Variants in DCDC2 observed in about 807,000 individuals in gnomAD.
DCDC2 encodes doublecortin domain-containing protein 2.
In DCDC2, 40 loss-of-function variants were observed where a neutral mutation model predicts 50.2. The ratio of observed to expected loss-of-function variants is 0.80; its 90% confidence interval spans 0.62 to 1.04. The LOEUF (loss-of-function observed/expected upper bound fraction) is 1.04, where lower values mean the gene tolerates loss of function less well. Among genes scored for constraint, DCDC2 ranks in the 50% least tolerant of loss-of-function variants. DCDC2 has a pLI of 0.00. For missense variants in DCDC2, 570 were observed against 581.9 expected, an observed-to-expected ratio of 0.98 and a Z score of 0.21; for synonymous variants, 234 against 210.6, an observed-to-expected ratio of 1.11 and a Z score of -0.96.
intron 7 of DCDC2, among the ~76,000 whole-genome samples, chr6:24,207,285 TCTCA>T (rs1465720402): frequency 2.0e-5 from 3 of 150,268 alleles, no homozygotes; most frequent in South Asian, 2.1e-4. Flanking sequence ...TCTCTCTCTC[TCTCA>T]GACACACACA....
chr6:24,244,095 C>T (rs1249155355), intron 7 of DCDC2, among the ~76,000 whole-genome samples: 1 of 152,180 alleles, frequency 6.6e-6, no homozygotes. Context: ...TCTAAACAGA[C>T]AAGCAGTTTC....
intron 7 of DCDC2, among the ~76,000 whole-genome samples, chr6:24,225,715 G>C (rs58194944): frequency 0.092 from 14,007 of 151,546 alleles, 788 homozygotes; most frequent in East Asian, 0.17. Flanking sequence ...CACACACACA[G>C]ACACACACAA....
chr6:24,324,712 A>G (rs1223866101), intron 2 of DCDC2, among the ~76,000 whole-genome samples: 1 of 152,016 alleles, frequency 6.6e-6, no homozygotes, highest in East Asian at 1.9e-4. Context: ...AGTAGACCCT[A>G]TCTCTACAAA....
At chr6:24,315,193 ACCAGCCCC>A (rs1156260429) in intron 2 of DCDC2, among the ~76,000 whole-genome samples, 3 of 150,856 alleles carry the variant, frequency 2.0e-5, no homozygotes, top group Non-Finnish European at 2.9e-5. Context: ...TTTTTAAATA[ACCAGCCCC>A]ATAAATAGTC....
At chr6:24,343,363 G>C (rs1760198042) in intron 2 of DCDC2, among the ~76,000 whole-genome samples, 2 of 152,082 alleles carry the variant, frequency 1.3e-5, no homozygotes, top group African/African-American at 4.8e-5. Flanking sequence ...TATTCTTGAG[G>C]AAATGTAAAA....
rs368478507 is a variant in DCDC2, at chr6:24,301,866, C to A, written c.426-20G>T. ...ATCAAGCTGGAAAACAGGGGGCAAA[C>A]CTTCTGAAACAGTTATGCCTTGAAA... On this transcript the variant is annotated intron_variant, in intron 3 of 9. Coordinates refer to ENST00000378454, the MANE Select transcript of DCDC2 (RefSeq NM_016356.5). The A allele has an allele frequency of 1.9e-6, 3 of 1,613,894 alleles. No individual in the cohort carries two copies.
At chr6:24,219,487 T>C (rs1010176918) in intron 7 of DCDC2, among the ~76,000 whole-genome samples, 34 of 152,206 alleles carry the variant, frequency 2.2e-4, no homozygotes, top group Non-Finnish European at 4.1e-4. Context: ...GTTTCATGAA[T>C]TTACCAGTGT....
intron 7 of DCDC2, among the ~76,000 whole-genome samples, chr6:24,217,355 G>A (rs573700292): frequency 1.6e-4 from 25 of 152,212 alleles, no homozygotes; most frequent in South Asian, 8.3e-4. Flanking sequence ...AATTATTACC[G>A]AGTAACATCT....
At chr6:24,341,401 A>C (rs1760151559) in intron 2 of DCDC2, among the ~76,000 whole-genome samples, 1 of 152,124 alleles carries the variant, frequency 6.6e-6, no homozygotes, top group Non-Finnish European at 1.5e-5. Flanking sequence ...CTTATAAAGG[A>C]GGCTTTCACA....
intron 2 of DCDC2, among the ~76,000 whole-genome samples, chr6:24,311,932 C>A (rs939102184): frequency 2.6e-5 from 4 of 152,324 alleles, no homozygotes; most frequent in Middle Eastern, 3.4e-3. Context: ...CTGTGACCTG[C>A]ACATATGCAT....
At chr6:24,351,518 G>A (rs1055356350) in intron 2 of DCDC2, among the ~76,000 whole-genome samples, 1 of 152,144 alleles carries the variant, frequency 6.6e-6, no homozygotes, top group Non-Finnish European at 1.5e-5. Context: ...CTTTAGAAGG[G>A]TTTATGGGTA....
chr6:24,184,804 C>G (rs2113745169), intron 8 of DCDC2, among the ~76,000 whole-genome samples: 1 of 152,210 alleles, frequency 6.6e-6, no homozygotes, highest in South Asian at 2.1e-4. Flanking sequence ...ACATCACTCT[C>G]CTAGAAATGG....
At chr6:24,344,133 CAAGCGCCAGT>C (rs1760210615) in intron 2 of DCDC2, among the ~76,000 whole-genome samples, 1 of 152,154 alleles carries the variant, frequency 6.6e-6, no homozygotes. Context: ...GTCCTCATCC[CAAGCGCCAGT>C]AACCACCATT....
upstream of DCDC2, chr6:24,358,128 G>GCACACACA (rs151251105): frequency 7.1e-4 from 378 of 531,268 alleles, 2 homozygotes; most frequent in African/African-American, 6.6e-3. Context: ...AGAGGAGGAC[G>GCACACACA]CACACACACA....
chr6:24,376,817 TAA>T, the DCDC2 span, among the ~76,000 whole-genome samples: 51,693 of 132,388 alleles, frequency 0.39, 10,004 homozygotes, highest in African/African-American at 0.52. Flanking sequence ...GTTTTTTTAA[TAA>T]AAAAAAAAAA....
At chr6:24,274,605 C>CAAAAAAAAAAAAAAAAAAAAAAAAAAA (rs61569208) in intron 7 of DCDC2, among the ~76,000 whole-genome samples, 1 of 82,404 alleles carries the variant, frequency 1.2e-5, no homozygotes, top group Non-Finnish European at 2.3e-5. Flanking sequence ...GAAACAGAGT[C>CAAAAAAAAAAAAAAAAAAAAAAAAAAA]AAAAAAAAAA....
chr6:24,346,068 A>G (rs929935547), intron 2 of DCDC2, among the ~76,000 whole-genome samples: 3 of 151,270 alleles, frequency 2.0e-5, no homozygotes, highest in African/African-American at 7.3e-5. Context: ...AGTCCCAGCT[A>G]CTCAGGAGGC....
At chr6:24,327,675 T>C (rs1759898739) in intron 2 of DCDC2, among the ~76,000 whole-genome samples, 1 of 152,196 alleles carries the variant, frequency 6.6e-6, no homozygotes, top group Admixed American at 6.5e-5. Context: ...GGTTTCACCA[T>C]GGCAGCCAGG....
chr6:24,338,633 G>C (rs1393517450), intron 2 of DCDC2, among the ~76,000 whole-genome samples: 5 of 152,044 alleles, frequency 3.3e-5, no homozygotes, highest in Non-Finnish European at 7.4e-5. Context: ...CCCTTCAATA[G>C]CTTTTGGTTG....
Sources: gnomAD v4.1 joint callset for allele counts (sites outside exome capture counted in the v4.1 genomes callset) on GRCh38, gnomAD v4.1.1 for gene constraint, MANE v1.5 for transcripts, NCBI Gene and HGNC (gene_info 2026-07-23, HGNC 2026-07-21) for gene names.